PHTF2: variants seen among roughly 807,000 people sequenced by gnomAD.
The protein encoded by PHTF2 is protein PHTF2.
PHTF2 carries 60 observed loss-of-function variants against 101.2 expected under a neutral mutation model. That is an observed-to-expected ratio of 0.59 (90% CI 0.48 to 0.73). The LOEUF (loss-of-function observed/expected upper bound fraction) is 0.73. Ranked by LOEUF, PHTF2 falls within the 30% of genes least tolerant of loss-of-function variation. The pLI, the probability that PHTF2 is intolerant of heterozygous loss-of-function variation, is 0.00. For missense variants in PHTF2, 747 were observed against 908.7 expected, an observed-to-expected ratio of 0.82 and a Z score of 2.29; for synonymous variants, 311 against 307.3, an observed-to-expected ratio of 1.01 and a Z score of -0.13.
chr7:77,938,591 C>T (rs1438587808), intron 13 of PHTF2, among the ~76,000 whole-genome samples: 1 of 149,204 alleles, frequency 6.7e-6, no homozygotes, highest in African/African-American at 2.4e-5. Flanking sequence ...ATTAGCCAGG[C>T]GTGGTGAAAC....
At chr7:77,922,040 T>A (rs1427886169) in intron 10 of PHTF2, among the ~76,000 whole-genome samples, 1 of 133,666 alleles carries the variant, frequency 7.5e-6, no homozygotes, top group East Asian at 2.4e-4. Context: ...TTTTTTTTTT[T>A]GAGACATGGT....
chr7:77,856,218 A>G (rs1797169426), intron 3 of PHTF2, among the ~76,000 whole-genome samples: 1 of 152,238 alleles, frequency 6.6e-6, no homozygotes, highest in African/African-American at 2.4e-5. Context: ...CATCTCTAAA[A>G]AATAAAAATA....
chr7:77,848,276 A>C (rs549984171), intron 2 of PHTF2, among the ~76,000 whole-genome samples: 1 of 150,700 alleles, frequency 6.6e-6, no homozygotes, highest in African/African-American at 2.4e-5. Flanking sequence ...TTTTCAAGGA[A>C]CCTCCGTACT....
At chr7:77,906,777 G>A (rs563451976) in intron 7 of PHTF2, among the ~76,000 whole-genome samples, 3 of 151,948 alleles carry the variant, frequency 2.0e-5, no homozygotes, top group African/African-American at 4.8e-5. Context: ...GCGTGGTGGC[G>A]GGCACCTGTA....
intron 2 of PHTF2, among the ~76,000 whole-genome samples, chr7:77,852,250 C>T (rs544107791): frequency 1.3e-5 from 2 of 152,220 alleles, no homozygotes; most frequent in South Asian, 2.1e-4. Context: ...CCAGCACTTT[C>T]GGAGGCTGAG....
At chr7:77,933,886 C>T (rs530043709) in intron 12 of PHTF2, among the ~76,000 whole-genome samples, 3 of 152,042 alleles carry the variant, frequency 2.0e-5, no homozygotes, top group Non-Finnish European at 4.4e-5. Flanking sequence ...GTAAATTGCT[C>T]CTAAGTCTGT....
intron 1 of PHTF2, among the ~76,000 whole-genome samples, chr7:77,831,819 A>G (rs184444309): frequency 1.1e-3 from 168 of 152,342 alleles, no homozygotes; most frequent in African/African-American, 3.8e-3. Flanking sequence ...AATGCTGGCT[A>G]GGCACAAAAT....
intron 12 of PHTF2, among the ~76,000 whole-genome samples, chr7:77,931,232 A>T (rs995299108): frequency 6.6e-6 from 1 of 152,214 alleles, no homozygotes; most frequent in Non-Finnish European, 1.5e-5. Flanking sequence ...TAAAAACAAG[A>T]TATAAAAAGC....
rs375873189 is a variant in PHTF2 at position 77,927,199 on chromosome 7, T to TACAC, written c.1120-1888_1120-1885dup. On this transcript the variant is annotated intron_variant, in intron 11 of 19. Transcript: ENST00000416283. ...AAAAATATATATATATATATATACA[T>TACAC]ACACACACACACACACACACACACA... Among the ~76,000 whole-genome samples the TACAC allele has an allele frequency of 5.8e-3, 626 of 108,500 alleles. 6 individuals carry two copies. Among genetic ancestry groups the TACAC allele is most frequent in the Middle Eastern group, 0.053 (10 of 190 alleles). 71.2% of individuals were successfully genotyped at this position (108,500 alleles called of 152,430 possible). A position where few individuals can be genotyped will look rare whatever the true frequency, so the allele number is the denominator to read the frequency against.
At chr7:77,913,387 GAA>G (rs58943092) in intron 9 of PHTF2, among the ~76,000 whole-genome samples, 5,547 of 98,096 alleles carry the variant, frequency 0.057, 360 homozygotes, top group African/African-American at 0.19. Flanking sequence ...GACTCTGTCT[GAA>G]AAAAAAAAAA....
intron 9 of PHTF2, among the ~76,000 whole-genome samples, chr7:77,914,372 G>C (rs1562944396): frequency 6.6e-6 from 1 of 152,294 alleles, no homozygotes; most frequent in South Asian, 2.1e-4. Flanking sequence ...TCAGAAATCT[G>C]ATAAGGTCAT....
At chr7:77,884,122 G>A (rs1799625140) in intron 3 of PHTF2, among the ~76,000 whole-genome samples, 1 of 152,130 alleles carries the variant, frequency 6.6e-6, no homozygotes, top group Non-Finnish European at 1.5e-5. Context: ...ATTTGTATCA[G>A]CAAATATTAA....
chr7:77,938,633 C>T (rs899879042), intron 13 of PHTF2, among the ~76,000 whole-genome samples: 6 of 151,882 alleles, frequency 4.0e-5, no homozygotes, highest in Admixed American at 2.0e-4. Context: ...AAAAATTAGC[C>T]GGGCGTGGTG....
intron 3 of PHTF2, among the ~76,000 whole-genome samples, chr7:77,860,727 T>G (rs1797570148): frequency 1.3e-5 from 2 of 152,210 alleles, no homozygotes; most frequent in Non-Finnish European, 2.9e-5. Context: ...GCTCTTTTTT[T>G]TTGAGGCAGG....
rs1562962208 is a variant in PHTF2 at position 77,932,605 on chromosome 7, AGAGAGAGAGAGAGAGAGTGTGT to A, written c.1338+3280_1338+3301del. On this transcript the variant is annotated intron_variant, in intron 12 of 19. Transcript: ENST00000416283. ...AAGAGGAAGAGAGAGAGAGAGAAAG[AGAGAGAGAGAGAGAGAGTGTGT>A]GTGTGTGTGTGTGTGTGTGTGTGTG... is the stretch of plus-strand genomic sequence containing the variant. 2.8e-4 allele frequency among the ~76,000 whole-genome samples: 21 copies of A among 74,570 alleles called. No homozygotes were observed. The South Asian group carries it at 3.6e-3, about 13-fold the overall frequency. 48.9% of individuals were successfully genotyped at this position (74,570 alleles called of 152,430 possible).
chr7:77,954,253 C>T (rs929536918), intron 19 of PHTF2, among the ~76,000 whole-genome samples: 32 of 152,164 alleles, frequency 2.1e-4, no homozygotes, highest in Middle Eastern at 6.8e-3. Flanking sequence ...CCTGCCTCAG[C>T]CTCCCAAGTA....
chr7:77,859,085 A>G (rs573559379), intron 3 of PHTF2, among the ~76,000 whole-genome samples: 31 of 151,626 alleles, frequency 2.0e-4, no homozygotes, highest in Non-Finnish European at 3.2e-4. Context: ...CATCATTCCA[A>G]TCTTCACCTC....
chr7:77,885,754 T>C (rs1196991114), intron 3 of PHTF2, among the ~76,000 whole-genome samples: 2 of 152,172 alleles, frequency 1.3e-5, no homozygotes, highest in Admixed American at 6.6e-5. Context: ...CTTATTGTTA[T>C]ACTTTTAACA....
intron 11 of PHTF2, among the ~76,000 whole-genome samples, chr7:77,925,727 G>A (rs57025277): frequency 0.16 from 24,221 of 151,814 alleles, 2,180 homozygotes; most frequent in African/African-American, 0.24. Flanking sequence ...GATTATAGGC[G>A]TGAGCCACCA....
Sources: gnomAD v4.1 joint callset for allele counts (sites outside exome capture counted in the v4.1 genomes callset) on GRCh38, gnomAD v4.1.1 for gene constraint, MANE v1.5 for transcripts, NCBI Gene and HGNC (gene_info 2026-07-23, HGNC 2026-07-21) for gene names.